The following SAMD14 variants were observed in gnomAD, a reference collection of about 807,000 sequenced individuals.
SAMD14 encodes sterile alpha motif domain-containing protein 14.
A neutral mutation model predicts 46.2 loss-of-function variants in SAMD14; 27 were observed. That is an observed-to-expected ratio of 0.58 (90% CI 0.43 to 0.81). The LOEUF (loss-of-function observed/expected upper bound fraction) is 0.81. SAMD14 is among the 30% of genes least tolerant of loss of function. SAMD14 has a pLI of 0.00. For synonymous variants in SAMD14, 241 were observed against 254.3 expected, an observed-to-expected ratio of 0.95 and a Z score of 0.50; for missense variants, 559 against 582.2, an observed-to-expected ratio of 0.96 and a Z score of 0.41.
rs1911180504 is a variant in SAMD14, at chr17:50,116,032, C to G, written c.558G>C (p.Lys186Asn). 6.2e-7 allele frequency: 1 copy of G among 1,614,026 alleles called. No homozygotes were observed. Among genetic ancestry groups the G allele is most frequent in the Non-Finnish European group, 8.5e-7 (1 of 1,180,008 alleles). Residue 186 changes from lysine to asparagine, a missense_variant, in exon 5 of 10, where the codon AAG becomes AAC. Physicochemically the swap from Lys to Asn is moderately conservative, Grantham distance 94. Transcript: ENST00000330175. ...EPASPTIGLD[K>N]KTRRKFLDLG... ...GGTCCAGGAACTTTCGGCGAGTCTT[C>G]TTATCGAGGCCGATGGTGGGGCTGG... is the stretch of plus-strand genomic sequence containing the variant.
intron 1 of SAMD14, 109 bp from the exon 2 acceptor site, chr17:50,125,080 C>T: frequency 1.1e-6 from 1 of 915,748 alleles, no homozygotes; most frequent in Non-Finnish European, 1.8e-6. Context: ...CCTGTTGGCC[C>T]CTCCCCTTAC....
In SAMD14 at chr17:50,110,943, C is replaced by G. The variant is rs1910800651; in HGVS notation, c.*1950G>C. On this transcript the variant is annotated 3_prime_UTR_variant, in exon 10 of 10. Coordinates refer to ENST00000330175, the MANE Select transcript of SAMD14 (RefSeq NM_001257359.2). ...CTGTGTATATAGTTAGTTTTATAACCCTGAATGCCCCCACCCTTCCCCTAA... is the reference window on the plus strand; with the variant it reads ...CTGTGTATATAGTTAGTTTTATAACGCTGAATGCCCCCACCCTTCCCCTAA... 3 of 152,316 alleles carry G rather than the reference C, an allele frequency of 2.0e-5. No individual in the cohort carries two copies. The South Asian group carries it at 6.2e-4, about 32-fold the overall frequency. 9.4% of individuals were successfully genotyped at this position (152,316 alleles called of 1,614,324 possible). A position where few individuals can be genotyped will look rare whatever the true frequency, so the allele number is the denominator to read the frequency against.
At chr17:50,123,323 T>C (rs1343707798) in intron 2 of SAMD14, among the ~76,000 whole-genome samples, 3 of 152,202 alleles carry the variant, frequency 2.0e-5, no homozygotes, top group African/African-American at 7.2e-5. Flanking sequence ...TCTCATTGTA[T>C]GGATGGGAAA....
Position 50,110,117 on chromosome 17 carries a change from C to T in SAMD14, c.*2776G>A. 2 of 1,572,750 alleles carry T rather than the reference C, an allele frequency of 1.3e-6. No individual in the cohort carries two copies. Among genetic ancestry groups the T allele is most frequent in the Non-Finnish European group, 8.7e-7 (1 of 1,153,904 alleles). ...AGCTAAGGGCCGCCGTGCATCTGCACCTGAGAGGACGGACTGCCGCCTCTG... is the reference window on the plus strand; with the variant it reads ...AGCTAAGGGCCGCCGTGCATCTGCATCTGAGAGGACGGACTGCCGCCTCTG... On this transcript the variant is annotated 3_prime_UTR_variant, in exon 10 of 10. Coordinates refer to ENST00000330175, the MANE Select transcript of SAMD14 (RefSeq NM_001257359.2).
chr17:50,113,611 C>G (rs560001490), intron 9 of SAMD14: 1 of 385,130 alleles, frequency 2.6e-6, no homozygotes, highest in South Asian at 2.8e-5. Flanking sequence ...TCCCATGATA[C>G]CAGGACACTC....
intron 2 of SAMD14, among the ~76,000 whole-genome samples, chr17:50,121,667 C>T (rs575155220): frequency 4.6e-5 from 7 of 152,274 alleles, no homozygotes; most frequent in African/African-American, 9.6e-5. Flanking sequence ...TTGAAACTCT[C>T]GCAGAAGGGG....
In SAMD14 at chr17:50,110,174, T is replaced by A. The variant is rs773718871; in HGVS notation, c.*2719A>T. ...CCCACCGTGGTGCCCCTCACCATCC[T>A]CCTGGGGGAGCAGGGGGTGGGTTCT... On this transcript the variant is annotated 3_prime_UTR_variant, in exon 10 of 10. Coordinates refer to ENST00000330175, the MANE Select transcript of SAMD14 (RefSeq NM_001257359.2). 22 of 1,442,556 alleles carry A rather than the reference T, an allele frequency of 1.5e-5. No individual in the cohort carries two copies. Among genetic ancestry groups the A allele is most frequent in the Non-Finnish European group, 2.0e-5 (22 of 1,081,436 alleles). 89.4% of individuals were successfully genotyped at this position (1,442,556 alleles called of 1,614,324 possible).
chr17:50,114,639 C>T (rs908871894), intron 7 of SAMD14: 24 of 551,090 alleles, frequency 4.4e-5, no homozygotes, highest in Non-Finnish European at 6.9e-5. Flanking sequence ...CTATGCGCCT[C>T]CCGCCTGGCC....
chr17:50,127,359 T>C (rs940588660), intron 1 of SAMD14, among the ~76,000 whole-genome samples: 2 of 151,952 alleles, frequency 1.3e-5, no homozygotes, highest in South Asian at 2.1e-4. Flanking sequence ...TCCCAGCACT[T>C]TGGGAGGCCG....
intron 1 of SAMD14, 171 bp from the exon 2 acceptor site, chr17:50,125,142 C>T: frequency 1.6e-6 from 1 of 624,690 alleles, no homozygotes. Context: ...AATCATAACC[C>T]AGATGGTGGG....
In SAMD14 at chr17:50,112,582, G is replaced by C. The variant is rs1335433303; in HGVS notation, c.*311C>G. On this transcript the variant is annotated 3_prime_UTR_variant, in exon 10 of 10. Coordinates refer to ENST00000330175, the MANE Select transcript of SAMD14 (RefSeq NM_001257359.2). ...TGGCCTGAGGGCAATGGGACAGCCT[G>C]ACCCAGCCTCCCAGACTTGCCTCAG... 1 of 244,712 alleles carries C rather than the reference G, an allele frequency of 4.1e-6. No individual in the cohort carries two copies. Among genetic ancestry groups the C allele is most frequent in the African/African-American group, 2.3e-5 (1 of 44,374 alleles). The allele number at this position is 244,712 out of a possible 1,614,324, so 15.2% of individuals were successfully genotyped here. A position where few individuals can be genotyped will look rare whatever the true frequency, so the allele number is the denominator to read the frequency against.
chr17:50,126,554 C>T (rs1911782905), intron 1 of SAMD14, among the ~76,000 whole-genome samples: 1 of 152,102 alleles, frequency 6.6e-6, no homozygotes, highest in Non-Finnish European at 1.5e-5. Flanking sequence ...ATCCACCCGC[C>T]TCGGCCTCCC....
rs1567718707 is a variant in SAMD14 at position 50,115,451 on chromosome 17, T to C, written c.822+113A>G. 1 of 1,174,120 alleles carries C rather than the reference T, an allele frequency of 8.5e-7. No homozygotes were observed. The highest frequency in any genetic ancestry group is 2.4e-5 in the East Asian group (1 of 41,548). The allele number at this position is 1,174,120 out of a possible 1,614,324, so 72.7% of individuals were successfully genotyped here. ...ACGGATCACTGCATGGCTCCATGGA[T>C]GGACAAATTGATTCCAGGAATGTCT... On this transcript the variant is annotated intron_variant, in intron 7 of 9. Coordinates refer to ENST00000330175, the MANE Select transcript of SAMD14 (RefSeq NM_001257359.2). The surrounding 1 kb of genome is among the most constrained non-coding windows in gnomAD (Gnocchi z 5.3).
At chr17:50,117,781 C>T in intron 3 of SAMD14, 86 bp from the exon 4 acceptor site, 1 of 1,299,430 alleles carries the variant, frequency 7.7e-7, no homozygotes, top group Non-Finnish European at 9.9e-7. Flanking sequence ...AAACTGCGGG[C>T]CCTGAGGGTC....
Position 50,112,706 on chromosome 17 carries a change from T to C in SAMD14, c.*187A>G. The C allele has an allele frequency of 1.6e-6, 1 of 624,666 alleles. No individual in the cohort carries two copies. Among genetic ancestry groups the C allele is most frequent in the Non-Finnish European group, 2.7e-6 (1 of 373,166 alleles). 38.7% of individuals were successfully genotyped at this position (624,666 alleles called of 1,614,324 possible). The stretch of plus-strand genomic sequence containing the variant: ...AGGATTTATTACTAGGCCCTCTCCC[T>C]GGGGTCTCCCTTTCTGGGGTCTCTG... On this transcript the variant is annotated 3_prime_UTR_variant, in exon 10 of 10. Coordinates refer to ENST00000330175, the MANE Select transcript of SAMD14 (RefSeq NM_001257359.2).
intron 1 of SAMD14, 90 bp from the exon 2 acceptor site, chr17:50,125,061 T>C (rs1486701449): frequency 2.2e-5 from 26 of 1,188,768 alleles, no homozygotes; most frequent in Non-Finnish European, 3.1e-5. Context: ...GAAGGCTACC[T>C]GCTCCAGGCC....
At chr17:50,118,414 A>G in intron 2 of SAMD14, 87 bp from the exon 3 acceptor site, 2 of 1,477,898 alleles carry the variant, frequency 1.4e-6, no homozygotes, top group Non-Finnish European at 9.2e-7. Flanking sequence ...ACCTGCACCC[A>G]CACCCCAGGC....
At position 50,115,995 on chromosome 17, in the gene SAMD14, C is replaced by T. The variant is rs774689257; in HGVS notation, c.587+8G>A. ...CAAGCCCTGCGATCTAGCCCCGCCTCCACTCACCCCAGGTCCAGGAACTTT... is the reference window on the plus strand; with the variant it reads ...CAAGCCCTGCGATCTAGCCCCGCCTTCACTCACCCCAGGTCCAGGAACTTT... On this transcript the variant is annotated splice_region_variant and intron_variant, in intron 5 of 9. Coordinates refer to ENST00000330175, the MANE Select transcript of SAMD14 (RefSeq NM_001257359.2). This position sits in a 1 kb window ranked among gnomAD's most constrained non-coding sequence, Gnocchi z 5.3. The T allele has an allele frequency of 4.3e-6, 7 of 1,613,916 alleles. No individual in the cohort carries two copies. The African/African-American group carries it at 9.3e-5, about 22-fold the overall frequency.
intron 1 of SAMD14, among the ~76,000 whole-genome samples, chr17:50,128,670 C>G (rs1911893556): frequency 6.6e-6 from 1 of 152,078 alleles, no homozygotes; most frequent in South Asian, 2.1e-4. Context: ...CTCTTGGGAC[C>G]CAGGAGAAGG....
Sources: gnomAD v4.1 joint callset for allele counts (sites outside exome capture counted in the v4.1 genomes callset) on GRCh38, gnomAD v4.1.1 for gene constraint, Gnocchi (gnomAD v3.1) non-coding constraint, MANE v1.5 for transcripts, NCBI Gene and HGNC (gene_info 2026-07-23, HGNC 2026-07-21) for gene names.